TWSG1: variants seen among roughly 807,000 people sequenced by gnomAD.
TWSG1 encodes the protein twisted gastrulation protein homolog 1.
Under a neutral mutation model 23.0 loss-of-function variants are expected in TWSG1, and 15 were observed. The ratio of observed to expected loss-of-function variants is 0.65; its 90% CI spans 0.44 to 1.00. The LOEUF is 1.00. Among genes scored for constraint, TWSG1 ranks in the 50% least tolerant of loss-of-function variants. The pLI is 0.00. For synonymous variants in TWSG1, 86 were observed against 92.8 expected (o/e 0.93, Z 0.42); for missense variants, 242 against 278.7 (o/e 0.87, Z 0.94).
At chr18:9,396,727 G>A in intron 4 of TWSG1, 181 bp downstream of exon 4, 2 of 639,004 alleles carry the variant, frequency 3.1e-6, no homozygotes, top group African/African-American at 4.5e-5. Context: ...CATGCCAGAA[G>A]GATAAGAGAA....
intron 2 of TWSG1, among the ~76,000 whole-genome samples, chr18:9,340,182 C>T (rs1598819096): frequency 6.6e-6 from 1 of 151,892 alleles, no homozygotes; most frequent in Non-Finnish European, 1.5e-5. Context: ...TCCTGGCTAA[C>T]ATGGTGAAAC....
chr18:9,355,786 GCA>G (rs1303950039), intron 2 of TWSG1, among the ~76,000 whole-genome samples: 1 of 152,118 alleles, frequency 6.6e-6, no homozygotes, highest in Admixed American at 6.5e-5. Flanking sequence ...CTGTTTTCAG[GCA>G]CAAACTCTGT....
At chr18:9,383,997 G>T (rs1039888074) in intron 3 of TWSG1, among the ~76,000 whole-genome samples, 3 of 152,144 alleles carry the variant, frequency 2.0e-5, no homozygotes, top group Non-Finnish European at 2.9e-5. Context: ...TTTTAAAGGA[G>T]CTGGAGTTTT....
intron 3 of TWSG1, among the ~76,000 whole-genome samples, chr18:9,383,154 A>G (rs939343481): frequency 3.4e-5 from 5 of 147,752 alleles, no homozygotes; most frequent in African/African-American, 1.0e-4. Context: ...CTCATTGGAG[A>G]GTGTATGGTG....
At chr18:9,371,443 C>T (rs550855669) in intron 3 of TWSG1, among the ~76,000 whole-genome samples, 5 of 151,976 alleles carry the variant, frequency 3.3e-5, no homozygotes, top group East Asian at 3.9e-4. Flanking sequence ...ACTACAGGCA[C>T]GTGCCACCAT....
chr18:9,344,649 C>G (rs2040467950), intron 2 of TWSG1, among the ~76,000 whole-genome samples: 1 of 151,682 alleles, frequency 6.6e-6, no homozygotes, highest in Admixed American at 6.6e-5. Context: ...CCACCTCAGT[C>G]TCCCAAGTAG....
rs116367275 is a variant in TWSG1, at chr18:9,343,813, G to A, written c.123+6461G>A. ...TTATTTATCCATTTATTGGTTGGAG[G>A]ATATTTGAGTTACTTATATTTTTGG... On this transcript the variant is annotated intron_variant, in intron 2 of 4. Transcript: ENST00000262120. 2.7e-3 allele frequency among the ~76,000 whole-genome samples: 409 copies of A among 152,262 alleles called. 3 individuals carry two copies. Among genetic ancestry groups the A allele is most frequent in the African/African-American group, 9.6e-3 (399 of 41,562 alleles).
intron 2 of TWSG1, among the ~76,000 whole-genome samples, chr18:9,339,861 G>C (rs2040438402): frequency 6.6e-6 from 1 of 152,054 alleles, no homozygotes; most frequent in Non-Finnish European, 1.5e-5. Flanking sequence ...CTATATCAGT[G>C]TAAAAAAACT....
At chr18:9,368,458 C>A (rs1429786924) in intron 3 of TWSG1, among the ~76,000 whole-genome samples, 1 of 152,190 alleles carries the variant, frequency 6.6e-6, no homozygotes, top group Non-Finnish European at 1.5e-5. Context: ...GCCTCAGCCT[C>A]CCAGAGTGCT....
intron 4 of TWSG1, 82 bp from the exon 5 acceptor site, chr18:9,399,264 A>T: frequency 2.2e-6 from 2 of 892,398 alleles, no homozygotes; most frequent in Non-Finnish European, 1.7e-6. Context: ...AATAACTGTT[A>T]ATATTCAACT....
At chr18:9,346,434 C>T (rs967398441) in intron 2 of TWSG1, among the ~76,000 whole-genome samples, 3 of 152,062 alleles carry the variant, frequency 2.0e-5, no homozygotes, top group Non-Finnish European at 4.4e-5. Context: ...TTTGTTTATC[C>T]ATTCACTTAT....
chr18:9,382,017 C>T (rs553589023), intron 3 of TWSG1, among the ~76,000 whole-genome samples: 40 of 151,868 alleles, frequency 2.6e-4, no homozygotes, highest in Non-Finnish European at 5.6e-4. Flanking sequence ...TTTAAAAACT[C>T]TAAGATACCT....
chr18:9,339,294 A>C (rs373919984), intron 2 of TWSG1, among the ~76,000 whole-genome samples: 47 of 152,274 alleles, frequency 3.1e-4, no homozygotes, highest in Admixed American at 1.5e-3. Context: ...ATGGGTAGAT[A>C]CTTGTAAAGG....
intron 2 of TWSG1, among the ~76,000 whole-genome samples, chr18:9,355,199 G>C (rs189101571): frequency 6.6e-6 from 1 of 152,052 alleles, no homozygotes; most frequent in Admixed American, 6.6e-5. Flanking sequence ...CTTGTGATCC[G>C]CCTGCCTTGG....
At chr18:9,391,114 A>G (rs1320762309) in intron 3 of TWSG1, among the ~76,000 whole-genome samples, 1 of 152,234 alleles carries the variant, frequency 6.6e-6, no homozygotes, top group African/African-American at 2.4e-5. Flanking sequence ...CATTTCAACA[A>G]TGTTTATAGC....
intron 3 of TWSG1, among the ~76,000 whole-genome samples, chr18:9,375,915 A>G (rs1415216372): frequency 6.7e-6 from 1 of 149,898 alleles, no homozygotes; most frequent in Non-Finnish European, 1.5e-5. Flanking sequence ...ACCTTCATCT[A>G]TAGACTTTTT....
chr18:9,373,449 A>C (rs2040615390), intron 3 of TWSG1, among the ~76,000 whole-genome samples: 1 of 152,202 alleles, frequency 6.6e-6, no homozygotes, highest in Non-Finnish European at 1.5e-5. Context: ...CATGAGAATT[A>C]CTTGAGCCTG....
intron 2 of TWSG1, among the ~76,000 whole-genome samples, chr18:9,355,236 G>A (rs1339155510): frequency 4.6e-5 from 7 of 152,194 alleles, no homozygotes; most frequent in African/African-American, 7.2e-5. Context: ...GATTACAGGC[G>A]TGAGCCACCA....
intron 1 of TWSG1, 107 bp downstream of exon 1, chr18:9,335,027 G>T (rs2040414712): frequency 6.6e-6 from 1 of 152,252 alleles, no homozygotes; most frequent in Non-Finnish European, 1.5e-5. Flanking sequence ...GGCGAGCTTC[G>T]CGGGGGCCGG....
Sources: gnomAD v4.1 joint callset for allele counts (sites outside exome capture counted in the v4.1 genomes callset) on GRCh38, gnomAD v4.1.1 for gene constraint, MANE v1.5 for transcripts, NCBI Gene and HGNC (gene_info 2026-07-23, HGNC 2026-07-21) for gene names.